The following CSF2RA variants were observed in gnomAD, a reference collection of about 807,000 sequenced individuals.
CSF2RA encodes granulocyte-macrophage colony-stimulating factor receptor subunit alpha.
CSF2RA carries 42 observed loss-of-function variants against 51.6 expected under a neutral mutation model. The ratio of observed to expected loss-of-function variants is 0.81; its 90% CI spans 0.64 to 1.05. The LOEUF (loss-of-function observed/expected upper bound fraction) is 1.05, where lower values mean the gene tolerates loss of function less well. Among genes scored for constraint, CSF2RA ranks in the 50% least tolerant of loss-of-function variants. CSF2RA has a pLI of 0.00. For synonymous variants in CSF2RA, 222 were observed against 193.0 expected (o/e 1.15, Z -1.24); for missense variants, 530 against 501.1 (o/e 1.06, Z -0.55).
intron 6 of CSF2RA, 162 bp downstream of exon 6, chrX:1,289,050 C>A: frequency 2.1e-6 from 2 of 931,844 alleles, no homozygotes; most frequent in Non-Finnish European, 3.2e-6. Context: ...CAACCTCGAC[C>A]TCCTGGGTTC....
At chrX:1,323,953 G>C in the CSF2RA span, among the ~76,000 whole-genome samples, 2 of 151,978 alleles carry the variant, frequency 1.3e-5, no homozygotes, top group Admixed American at 6.6e-5. Context: ...GGCCGAGGTT[G>C]TGGTGAGCCA....
downstream of CSF2RA, among the ~76,000 whole-genome samples, chrX:1,314,533 G>T (rs1478533233): frequency 1.7e-4 from 20 of 121,060 alleles, no homozygotes; most frequent in South Asian, 5.9e-4. Context: ...CAATCCCACT[G>T]CACCTGCCCA....
chrX:1,299,606 A>T (rs1457014098), intron 9 of CSF2RA, among the ~76,000 whole-genome samples: 1 of 150,300 alleles, frequency 6.7e-6, no homozygotes, highest in Non-Finnish European at 1.5e-5. Flanking sequence ...ACACCTGGCC[A>T]ACAATTTCTG....
At chrX:1,323,114 G>A in the CSF2RA span, among the ~76,000 whole-genome samples, 1 of 124,720 alleles carries the variant, frequency 8.0e-6, no homozygotes, top group Admixed American at 8.7e-5. Flanking sequence ...GAGCGACAGA[G>A]CGAGATTCCG....
chrX:1,285,355 G>A (rs1439132726), intron 3 of CSF2RA, among the ~76,000 whole-genome samples: 1 of 152,104 alleles, frequency 6.6e-6, no homozygotes, highest in Non-Finnish European at 1.5e-5. Flanking sequence ...AAAATCAGCA[G>A]GCTTCAGCCC....
Position 1,300,646 on chromosome X carries a change from A to C in CSF2RA, c.946+20A>C. On this transcript the variant is annotated intron_variant, in intron 10 of 12. Transcript: ENST00000381529. ...AATTTGGTAAGCGTTGGGCGGAGGT[A>C]AGGGATGTTTGTGCCGTCTGCGGCC... The C allele has an allele frequency of 6.2e-7, 1 of 1,613,890 alleles. No individual in the cohort carries two copies. Among genetic ancestry groups the C allele is most frequent in the African/African-American group, 1.3e-5 (1 of 75,032 alleles).
In CSF2RA at chrX:1,300,552, A is replaced by G. The variant is rs1250271206; in HGVS notation, c.872A>G (p.Lys291Arg). Residue 291 changes from lysine to arginine, a missense_variant, in exon 10 of 13, where the codon AAA becomes AGA. Lys to Arg is a conservative substitution (Grantham distance 26, BLOSUM62 2). Transcript: ENST00000381529. The stretch of plus-strand genomic sequence containing the variant: ...TTTCCAAGCTCTGAGCCCAGAGCAA[A>G]ACACAGTGTGAAGATCAGAGCTGCA... ...YNFPSSEPRA[K>R]HSVKIRAADV... 4 of 1,613,808 alleles carry G rather than the reference A, an allele frequency of 2.5e-6. No individual in the cohort carries two copies. The highest frequency in any genetic ancestry group is 2.5e-6 in the Non-Finnish European group (3 of 1,179,842).
intron 6 of CSF2RA, 65 bp from the exon 7 acceptor site, chrX:1,290,272 G>T: frequency 7.6e-7 from 1 of 1,315,678 alleles, no homozygotes. Context: ...TTTTTGTTTT[G>T]TTTTGTGTTT....
intron 9 of CSF2RA, among the ~76,000 whole-genome samples, chrX:1,295,846 C>A (rs1482677365): frequency 7.9e-6 from 1 of 126,238 alleles, no homozygotes; most frequent in Non-Finnish European, 1.7e-5. Flanking sequence ...ATCCTACAGT[C>A]CCCTACTCAC....
intron 10 of CSF2RA, among the ~76,000 whole-genome samples, chrX:1,301,741 T>C (rs1234846615): frequency 4.8e-4 from 71 of 147,748 alleles, no homozygotes; most frequent in Admixed American, 6.1e-4. Context: ...GGACTACAGG[T>C]GCCCATCACC....
chrX:1,309,712 C>A lies in CSF2RA; in HGVS notation c.*233C>A, dbSNP rs759447183. 65 of 928,986 alleles carry A rather than the reference C, an allele frequency of 7.0e-5. No homozygotes were observed. In the African/African-American group the frequency reaches 1.0e-3, roughly 14 times the overall value. The allele number at this position is 928,986 out of a possible 1,614,324, so 57.5% of individuals were successfully genotyped here. ...GACCAGCCTGCCCAACATGGTGAAA[C>A]CCCATCTGGACTAAAAATGCAGAAA... On this transcript the variant is annotated 3_prime_UTR_variant, in exon 13 of 13. Transcript: ENST00000381529.
rs143703263 is a variant in CSF2RA, at chrX:1,300,506, G to A, written c.826G>A (p.Asp276Asn). 3.9e-5 allele frequency: 63 copies of A among 1,613,834 alleles called. No individual in the cohort carries two copies. The African/African-American group carries it at 7.6e-4, about 19-fold the overall frequency. Residue 276 changes from aspartate (D) to asparagine (N), a missense_variant, in exon 10 of 13, where the codon GAT becomes AAT. By Grantham distance (23) the Asp-to-Asn change is conservative. Coordinates refer to ENST00000381529, the MANE Select transcript of CSF2RA (RefSeq NM_172245.4). ...TCCTCCAAAGATTAATGTTTCTGGT[G>A]ATTTGGAAAATAGATACAACTTTCC... ...TENLLINVSG[D>N]LENRYNFPSS...
At chrX:1,314,988 T>A (rs1427446612), downstream of CSF2RA, among the ~76,000 whole-genome samples, 3 of 115,352 alleles carry the variant, frequency 2.6e-5, no homozygotes, top group African/African-American at 9.5e-5. Flanking sequence ...CCAATCGCAC[T>A]GCACCTGCCC....
chrX:1,273,316 A>ATT (rs201207431), intron 1 of CSF2RA, among the ~76,000 whole-genome samples: 1 of 149,172 alleles, frequency 6.7e-6, no homozygotes, highest in African/African-American at 2.5e-5. Flanking sequence ...TCTTAGTTGT[A>ATT]TTTTTTTTTT....
chrX:1,311,042 G>A (rs2084157198), downstream of CSF2RA, among the ~76,000 whole-genome samples: 2 of 151,966 alleles, frequency 1.3e-5, no homozygotes, highest in Admixed American at 1.3e-4. Context: ...GAGCTCATGA[G>A]TTCGAGACCA....
At chrX:1,320,985 A>C in the CSF2RA span, among the ~76,000 whole-genome samples, 1 of 151,908 alleles carries the variant, frequency 6.6e-6, no homozygotes. Flanking sequence ...GATTACAGGC[A>C]GACGCCACCA....
At chrX:1,279,512 G>A (rs1158710867) in intron 2 of CSF2RA, among the ~76,000 whole-genome samples, 2 of 151,820 alleles carry the variant, frequency 1.3e-5, no homozygotes, top group African/African-American at 4.8e-5. Flanking sequence ...TCAAGGTCAG[G>A]CCCACCCAGA....
rs67006588 is a variant in CSF2RA at position 1,282,753 on chromosome X, C to G, written c.50C>G (p.Ala17Gly). The change falls in exon 3 of 13, where the codon GCA (alanine) becomes GGA (glycine). Residue 17 changes from alanine to glycine, a missense_variant. Coordinates refer to ENST00000381529, the MANE Select transcript of CSF2RA (RefSeq NM_172245.4). ...SLLLCELPHPAFLLIPEKSDL... is the reference protein window; with the variant it reads ...SLLLCELPHPGFLLIPEKSDL... Reference sequence around the variant, plus strand: ...CTGCTCTGTGAGTTACCACACCCAGCATTCCTCCTGATCCCAGAGAAATCG... The same window carrying G: ...CTGCTCTGTGAGTTACCACACCCAGGATTCCTCCTGATCCCAGAGAAATCG... 0.066 allele frequency: 107,102 copies of G among 1,613,236 alleles called. 15,059 individuals carry two copies. Among genetic ancestry groups the G allele is most frequent in the African/African-American group, 0.59 (44,384 of 74,854 alleles).
chrX:1,294,349 A>G lies in CSF2RA; in HGVS notation c.668A>G (p.Asn223Ser), dbSNP rs768648388. 22 of 1,613,616 alleles carry G rather than the reference A, an allele frequency of 1.4e-5. No homozygotes were observed. The highest frequency in any genetic ancestry group is 1.8e-5 in the Non-Finnish European group (21 of 1,179,832). The change falls in exon 8 of 13, where the codon AAT (asparagine) becomes AGT (serine). Residue 223 changes from asparagine to serine, a missense_variant. Asn to Ser is a conservative substitution (Grantham distance 46). Transcript: ENST00000381529. ...KKIERFNPPSNVTVRCNTTHC... is the reference protein window; with the variant it reads ...KKIERFNPPSSVTVRCNTTHC... ...ACAGAACGATTCAACCCTCCCAGCAATGTCACCGTACGTTGCAACACGACG... is the reference window on the plus strand; with the variant it reads ...ACAGAACGATTCAACCCTCCCAGCAGTGTCACCGTACGTTGCAACACGACG...
Sources: gnomAD v4.1 joint callset for allele counts (sites outside exome capture counted in the v4.1 genomes callset) on GRCh38, gnomAD v4.1.1 for gene constraint, MANE v1.5 for transcripts, NCBI Gene and HGNC (gene_info 2026-07-23, HGNC 2026-07-21) for gene names.